Variants in ZFAND1 observed in about 807,000 individuals in gnomAD.
ZFAND1 encodes the protein AN1-type zinc finger protein 1.
In ZFAND1, 40 loss-of-function variants were observed where a neutral mutation model predicts 38.5. The observed-to-expected ratio is 1.04, with a 90% confidence interval of 0.81 to 1.35. The LOEUF is 1.35. Among genes scored for constraint, ZFAND1 ranks in the 40% most tolerant of loss-of-function variants. The probability of loss-of-function intolerance (pLI) is 0.00; values close to 1 mark genes in which losing one functional copy is unlikely to be tolerated. For synonymous variants in ZFAND1, 117 were observed against 103.6 expected (o/e 1.13, Z -0.78); for missense variants, 346 against 316.3 (o/e 1.09, Z -0.71).
chr8:81,707,352 C>T (rs1269013680), intron 6 of ZFAND1, among the ~76,000 whole-genome samples: 1 of 152,248 alleles, frequency 6.6e-6, no homozygotes, highest in African/African-American at 2.4e-5. Flanking sequence ...GCAATATTCA[C>T]TCATCACATC....
At chr8:81,708,922 C>T in intron 6 of ZFAND1, 1 of 373,106 alleles carries the variant, frequency 2.7e-6, no homozygotes, top group Non-Finnish European at 4.2e-6. Context: ...TTAGTATAGG[C>T]AATCCGTCAA....
intron 1 of ZFAND1, 73 bp from the exon 2 acceptor site, chr8:81,718,297 C>A (rs935479852): frequency 2.4e-6 from 3 of 1,276,478 alleles, no homozygotes; most frequent in Admixed American, 2.5e-5. Context: ...AAGAAGACAA[C>A]CTCTATGGAA....
intron 6 of ZFAND1, chr8:81,708,672 CTG>C (rs1585922533): frequency 1.3e-6 from 1 of 774,838 alleles, no homozygotes. Context: ...AGCCACCAGA[CTG>C]TAAAATATTA....
At chr8:81,719,868 G>A (rs1345017019) in intron 1 of ZFAND1, among the ~76,000 whole-genome samples, 2 of 152,186 alleles carry the variant, frequency 1.3e-5, no homozygotes, top group Non-Finnish European at 2.9e-5. Flanking sequence ...CGAAGGATCA[G>A]GCATAGACAC....
At chr8:81,719,010 A>G (rs1408508197) in intron 1 of ZFAND1, among the ~76,000 whole-genome samples, 1 of 152,064 alleles carries the variant, frequency 6.6e-6, no homozygotes, top group African/African-American at 2.4e-5. Flanking sequence ...GTGTGTATGC[A>G]TGTGTATCTA....
At chr8:81,703,877 T>C (rs894809022) in intron 6 of ZFAND1, among the ~76,000 whole-genome samples, 1 of 152,184 alleles carries the variant, frequency 6.6e-6, no homozygotes, top group East Asian at 1.9e-4. Context: ...AGAAAACAGA[T>C]GAGCTCTTTC....
At position 81,721,276 on chromosome 8, in the gene ZFAND1, C is replaced by T. The variant is rs1417039329; in HGVS notation, c.6G>A (p.Ala2=). The T allele has an allele frequency of 1.9e-6, 3 of 1,548,760 alleles. No individual in the cohort carries two copies. The highest frequency in any genetic ancestry group is 2.6e-6 in the Non-Finnish European group (3 of 1,147,068). ...GGCAGTGCTGCCCGATGTCCAACTC[C>T]GCCATCTCTCCGGCGCCGTAAGGGG... The part of the protein sequence containing the change: M[A]ELDIGQHCQV... The change falls in exon 1 of 8, where the codon GCG becomes GCA. Residue 2 remains alanine, a synonymous_variant. Coordinates refer to ENST00000220669, the MANE Select transcript of ZFAND1 (RefSeq NM_024699.3).
rs766988787 is a variant in ZFAND1, at chr8:81,702,734, T to C, written c.768A>G (p.Glu256=). The part of the protein sequence containing the change: ...GNIILEYLND[E]EQFCKNVESY... Reference sequence around the variant, plus strand: ...ATTCAACATTTTTACAGAATTGTTCTTCATCATTAAGATATTCCAAGATTA... The same window carrying C: ...ATTCAACATTTTTACAGAATTGTTCCTCATCATTAAGATATTCCAAGATTA... Residue 256 remains glutamate (E), a synonymous_variant, in exon 8 of 8, where the codon GAA becomes GAG. Transcript: ENST00000220669. The C allele has an allele frequency of 2.5e-6, 4 of 1,575,050 alleles. No homozygotes were observed. The highest frequency in any genetic ancestry group is 3.4e-6 in the Non-Finnish European group (4 of 1,164,484).
chr8:81,718,042 T>C, intron 2 of ZFAND1, 140 bp downstream of exon 2: 1 of 562,444 alleles, frequency 1.8e-6, no homozygotes, highest in East Asian at 3.4e-5. Flanking sequence ...GGAGAAGTAA[T>C]CAGAGTCTAT....
At chr8:81,703,674 C>T (rs1369964249) in intron 6 of ZFAND1, among the ~76,000 whole-genome samples, 1 of 152,106 alleles carries the variant, frequency 6.6e-6, no homozygotes, top group Non-Finnish European at 1.5e-5. Flanking sequence ...CCACCCGCCT[C>T]GGCCTCTCAG....
intron 6 of ZFAND1, among the ~76,000 whole-genome samples, chr8:81,707,522 T>G (rs1258015113): frequency 6.6e-6 from 1 of 152,206 alleles, no homozygotes; most frequent in Non-Finnish European, 1.5e-5. Flanking sequence ...ATTCACAACC[T>G]TGCCCCATTA....
At chr8:81,714,722 C>G (rs1808246918) in intron 5 of ZFAND1, 82 bp downstream of exon 5, 3 of 1,177,254 alleles carry the variant, frequency 2.5e-6, no homozygotes, top group Admixed American at 3.6e-5. Context: ...ATTAATGATG[C>G]CTCCCATAAT....
chr8:81,721,016 A>G, intron 1 of ZFAND1: 5 of 573,230 alleles, frequency 8.7e-6, no homozygotes, highest in Non-Finnish European at 1.6e-5. Context: ...GCTTCCTTCC[A>G]AGGAGACCAC....
intron 6 of ZFAND1, chr8:81,708,908 A>T: frequency 1.8e-6 from 1 of 546,542 alleles, no homozygotes; most frequent in Middle Eastern, 3.5e-4. Context: ...CCACAAAACT[A>T]TACTTAGTAT....
At chr8:81,719,203 T>G (rs1055688798) in intron 1 of ZFAND1, among the ~76,000 whole-genome samples, 1 of 152,020 alleles carries the variant, frequency 6.6e-6, no homozygotes, top group Admixed American at 6.6e-5. Flanking sequence ...GCACAGTGGC[T>G]TAAGCCTGTA....
At position 81,715,077 on chromosome 8, in the gene ZFAND1, T is replaced by C; in HGVS notation, c.176A>G (p.His59Arg). Residue 59 changes from histidine to arginine, a missense_variant, in exon 4 of 8, where the codon CAT becomes CGT. Coordinates refer to ENST00000220669, the MANE Select transcript of ZFAND1 (RefSeq NM_024699.3). ...TTTGAAAGAGCATGGGTAAGATGTA[T>C]GTTGATCTGTCTTCAGTCTCTCATT... ...VINERLKTDQHTSYPCSFKDC... is the reference protein window; with the variant it reads ...VINERLKTDQRTSYPCSFKDC... 8 of 1,614,066 alleles carry C rather than the reference T, an allele frequency of 5.0e-6. No individual in the cohort carries two copies. The highest frequency in any genetic ancestry group is 1.6e-4 in the Middle Eastern group (1 of 6,062).
chr8:81,717,817 A>T (rs75327004), intron 2 of ZFAND1, among the ~76,000 whole-genome samples: 7,738 of 152,132 alleles, frequency 0.051, 219 homozygotes, highest in Middle Eastern at 0.13. Context: ...AATGTAGTCA[A>T]ATGCTGTGAT....
At chr8:81,710,449 A>G (rs1808109805) in intron 6 of ZFAND1, among the ~76,000 whole-genome samples, 1 of 152,234 alleles carries the variant, frequency 6.6e-6, no homozygotes, top group Non-Finnish European at 1.5e-5. Context: ...AATTCAATAC[A>G]AAAGGAAAGA....
chr8:81,721,194 G>A, intron 1 of ZFAND1, 33 bp downstream of exon 1: 2 of 1,545,378 alleles, frequency 1.3e-6, no homozygotes, highest in Non-Finnish European at 1.7e-6. Context: ...GTCTCCCGCG[G>A]CCGGGGATGG....
Sources: gnomAD v4.1 joint callset for allele counts (sites outside exome capture counted in the v4.1 genomes callset) on GRCh38, gnomAD v4.1.1 for gene constraint, MANE v1.5 for transcripts, NCBI Gene and HGNC (gene_info 2026-07-23, HGNC 2026-07-21) for gene names.